Variants in CSMD2 observed in about 807,000 individuals in gnomAD.
The protein encoded by CSMD2 is CUB and sushi domain-containing protein 2.
A neutral mutation model predicts 398.5 loss-of-function variants in CSMD2; 130 were observed. The observed-to-expected ratio is 0.33, with a 90% CI of 0.28 to 0.38. CSMD2 has a LOEUF of 0.38. Ranked by LOEUF, CSMD2 falls within the 10% of genes least tolerant of loss-of-function variation. CSMD2 has a pLI of 1.00. For missense variants in CSMD2, 3,829 were observed against 4,764.9 expected (o/e 0.80, Z 5.78); for synonymous variants, 1,828 against 1,908.5 (o/e 0.96, Z 1.10).
intron 1 of CSMD2, among the ~76,000 whole-genome samples, chr1:34,090,487 T>C (rs973044344): frequency 2.0e-5 from 3 of 152,110 alleles, no homozygotes; most frequent in Non-Finnish European, 2.9e-5. Context: ...GCCAGGCCCA[T>C]CACCCCTTTG....
chr1:34,031,836 T>C (rs1208950924), intron 3 of CSMD2, among the ~76,000 whole-genome samples: 1 of 151,706 alleles, frequency 6.6e-6, no homozygotes, highest in Non-Finnish European at 1.5e-5. Context: ...GTCATTACTG[T>C]TATTAATTAT....
chr1:33,715,436 C>A (rs1446199027), intron 20 of CSMD2, among the ~76,000 whole-genome samples: 1 of 152,030 alleles, frequency 6.6e-6, no homozygotes, highest in Non-Finnish European at 1.5e-5. Context: ...AGTCCCTCGT[C>A]TGCAAGGGCT....
intron 3 of CSMD2, among the ~76,000 whole-genome samples, chr1:33,985,599 T>G (rs1646332513): frequency 6.6e-6 from 1 of 152,164 alleles, no homozygotes; most frequent in South Asian, 2.1e-4. Context: ...GCTCACTGTG[T>G]GTCTCTAGGT....
intron 5 of CSMD2, among the ~76,000 whole-genome samples, chr1:33,888,664 A>G (rs1219672954): frequency 6.6e-6 from 1 of 152,182 alleles, no homozygotes; most frequent in African/African-American, 2.4e-5. Context: ...AATAGAGAAG[A>G]CTATTTCTAT....
intron 3 of CSMD2, among the ~76,000 whole-genome samples, chr1:33,941,875 A>T (rs1330062626): frequency 6.6e-6 from 1 of 151,922 alleles, no homozygotes; most frequent in African/African-American, 2.4e-5. Flanking sequence ...TATATGTCAT[A>T]TATAAAGTTA....
chr1:34,056,220 C>G (rs907557200), intron 2 of CSMD2, among the ~76,000 whole-genome samples: 2 of 151,984 alleles, frequency 1.3e-5, no homozygotes, highest in African/African-American at 4.9e-5. Flanking sequence ...CAAGTGATAT[C>G]TCCTCAGGAA....
chr1:34,002,838 AT>A (rs371224764), intron 3 of CSMD2, among the ~76,000 whole-genome samples: 4 of 152,292 alleles, frequency 2.6e-5, no homozygotes, highest in African/African-American at 7.2e-5. Flanking sequence ...GAAAAGATAA[AT>A]TAAAAAAAAA....
intron 42 of CSMD2, 142 bp downstream of exon 42, chr1:33,605,140 G>A: frequency 1.3e-6 from 1 of 799,464 alleles, no homozygotes; most frequent in Non-Finnish European, 2.0e-6. Flanking sequence ...GCCACACCAT[G>A]TGAAAACAGG....
At chr1:33,848,617 T>A (rs962695570) in intron 5 of CSMD2, among the ~76,000 whole-genome samples, 15 of 152,138 alleles carry the variant, frequency 9.9e-5, no homozygotes, top group African/African-American at 3.6e-4. Flanking sequence ...ACCAAGGAGC[T>A]TCACGCACTG....
At chr1:33,950,383 CAGAG>C (rs3045848) in intron 3 of CSMD2, among the ~76,000 whole-genome samples, 10,252 of 133,698 alleles carry the variant, frequency 0.077, 415 homozygotes, top group African/African-American at 0.13. Context: ...TCTCCTCCAG[CAGAG>C]AGAGAGAGAG....
At chr1:33,901,569 A>C (rs564814474) in intron 5 of CSMD2, among the ~76,000 whole-genome samples, 1 of 152,190 alleles carries the variant, frequency 6.6e-6, no homozygotes, top group Non-Finnish European at 1.5e-5. Flanking sequence ...ACAGGTCCCA[A>C]TGCATCTAAA....
intron 3 of CSMD2, among the ~76,000 whole-genome samples, chr1:33,939,305 T>C (rs1644589189): frequency 6.6e-6 from 1 of 152,210 alleles, no homozygotes; most frequent in African/African-American, 2.4e-5. Flanking sequence ...CATGATGCCC[T>C]GCTGCTGGCT....
Position 33,930,100 on chromosome 1 carries a change from T to C in CSMD2, c.712+5660A>G, listed in dbSNP as rs1042345698. 2.0e-5 allele frequency among the ~76,000 whole-genome samples: 3 copies of C among 152,242 alleles called. No individual in the cohort carries two copies. In the East Asian group the frequency reaches 5.8e-4, roughly 29 times the overall value. ...TGGTCAGATTTGCTCATCATTCCAA[T>C]TCTCTGAGTCTAGAACAATATTTGG... On this transcript the variant is annotated intron_variant, in intron 4 of 70. Transcript: ENST00000373381.
chr1:33,523,017 C>A (rs1168365305), intron 67 of CSMD2, among the ~76,000 whole-genome samples: 1 of 152,240 alleles, frequency 6.6e-6, no homozygotes, highest in Non-Finnish European at 1.5e-5. Context: ...AGCCTGAATT[C>A]CCTCTGCCCC....
At chr1:33,929,432 C>CATTTTTT (rs1186047905) in intron 4 of CSMD2, among the ~76,000 whole-genome samples, 1 of 100,648 alleles carries the variant, frequency 9.9e-6, no homozygotes, top group African/African-American at 4.4e-5. Context: ...CAAGCCTATA[C>CATTTTTT]TTTTTTTTTT....
intron 10 of CSMD2, among the ~76,000 whole-genome samples, chr1:33,809,873 G>A (rs964854488): frequency 1.3e-5 from 2 of 151,964 alleles, no homozygotes; most frequent in African/African-American, 4.8e-5. Context: ...CAAGAAACAA[G>A]TAGAATGTGC....
In CSMD2 at chr1:33,521,457, A is replaced by G; in HGVS notation, c.10597+6T>C. 1 of 1,560,172 alleles carries G rather than the reference A, an allele frequency of 6.4e-7. No homozygotes were observed. The highest frequency in any genetic ancestry group is 8.8e-7 in the Non-Finnish European group (1 of 1,130,946). On this transcript the variant is annotated splice_donor_region_variant and intron_variant, in intron 68 of 70. Coordinates refer to ENST00000373381, the MANE Select transcript of CSMD2 (RefSeq NM_001281956.2). The stretch of plus-strand genomic sequence containing the variant: ...CCCACACTTCCGGGGGACAAGCACT[A>G]GTTACCCAGTCTTTGAAAGCCGAAC...
At position 33,804,872 on chromosome 1, in the gene CSMD2, T is replaced by C. The variant is rs765764145; in HGVS notation, c.1446+5871A>G. 1.0e-4 allele frequency: 73 copies of C among 717,296 alleles called. 1 individual carries two copies. The highest frequency in any genetic ancestry group is 9.3e-4 in the South Asian group (63 of 67,612). 44.4% of individuals were successfully genotyped at this position (717,296 alleles called of 1,614,324 possible). ...CCACACTTAGACCCTCCTTGTTGCATTGTATGTTCCCTGGGTCTCCTCCCG... is the reference window on the plus strand; with the variant it reads ...CCACACTTAGACCCTCCTTGTTGCACTGTATGTTCCCTGGGTCTCCTCCCG... On this transcript the variant is annotated intron_variant, in intron 10 of 70. Transcript: ENST00000373381.
Position 33,587,073 on chromosome 1 carries a change from C to A in CSMD2, c.6937+15G>T. On this transcript the variant is annotated intron_variant, in intron 45 of 70. Coordinates refer to ENST00000373381, the MANE Select transcript of CSMD2 (RefSeq NM_001281956.2). The stretch of plus-strand genomic sequence containing the variant: ...GTCCTGGGTTCACAGTCCTTGCTGG[C>A]TTGGGAGGTGGTACCTATATTGAAT... 1 of 1,586,686 alleles carries A rather than the reference C, an allele frequency of 6.3e-7. No individual in the cohort carries two copies. The highest frequency in any genetic ancestry group is 8.6e-7 in the Non-Finnish European group (1 of 1,164,670).
Sources: allele counts gnomAD v4.1 joint callset (sites outside exome capture counted in the v4.1 genomes callset), GRCh38; gene constraint gnomAD v4.1.1; transcripts MANE v1.5; gene names NCBI Gene and HGNC (gene_info 2026-07-23, HGNC 2026-07-21).